The following DLGAP5 variants were observed in gnomAD, a reference collection of about 807,000 sequenced individuals.
DLGAP5 encodes the protein disks large-associated protein 5.
In DLGAP5, 90 loss-of-function variants were observed where a neutral mutation model predicts 99.6. That is an observed-to-expected ratio of 0.90 (90% CI 0.76 to 1.08). The LOEUF is 1.08. Among genes scored for constraint, DLGAP5 ranks in the 50% least tolerant of loss-of-function variants. DLGAP5 has a pLI of 0.00. For synonymous variants in DLGAP5, 311 were observed against 321.3 expected (o/e 0.97, Z 0.34); for missense variants, 1,036 against 983.5 (o/e 1.05, Z -0.71).
intron 10 of DLGAP5, among the ~76,000 whole-genome samples, chr14:55,174,676 G>GAT (rs929018455): frequency 1.2e-4 from 18 of 150,650 alleles, no homozygotes; most frequent in Admixed American, 4.7e-4. Flanking sequence ...CAGATTCCCC[G>GAT]ATATATATAT....
At chr14:55,179,257 G>A (rs1298676570) in intron 7 of DLGAP5, among the ~76,000 whole-genome samples, 1 of 152,054 alleles carries the variant, frequency 6.6e-6, no homozygotes, top group Non-Finnish European at 1.5e-5. Flanking sequence ...ACTTGCCCAG[G>A]GTTATGCAAC....
rs1173452488 is a variant in DLGAP5, at chr14:55,158,584, A to G, written c.1811T>C (p.Val604Ala). The change falls in exon 14 of 19, where the codon GTT becomes GCT. Residue 604 changes from valine to alanine, a missense_variant. Coordinates refer to ENST00000247191, the MANE Select transcript of DLGAP5 (RefSeq NM_014750.5). ...ETAVSVIPKE[V>A]DKIVFDAGFF... Reference sequence around the variant, plus strand: ...TCCAGCATCGAACACTATTTTATCAACTTCCTTTGGTATCACAGAAACTGC... The same window carrying G: ...TCCAGCATCGAACACTATTTTATCAGCTTCCTTTGGTATCACAGAAACTGC... 1.2e-6 allele frequency: 2 copies of G among 1,614,020 alleles called. No individual in the cohort carries two copies. Among genetic ancestry groups the G allele is most frequent in the Non-Finnish European group, 1.7e-6 (2 of 1,180,016 alleles).
At chr14:55,187,336 T>G (rs1594686379) in intron 2 of DLGAP5, among the ~76,000 whole-genome samples, 1 of 144,904 alleles carries the variant, frequency 6.9e-6, no homozygotes, top group African/African-American at 2.8e-5. Flanking sequence ...TTTTTTTTTT[T>G]GAGATGGAGT....
intron 17 of DLGAP5, among the ~76,000 whole-genome samples, chr14:55,151,490 C>A (rs1882017113): frequency 6.6e-6 from 1 of 150,534 alleles, no homozygotes; most frequent in South Asian, 2.1e-4. Context: ...CACGACTACA[C>A]TCCAGCCTGG....
At chr14:55,177,439 T>C in intron 7 of DLGAP5, 103 bp from the exon 8 acceptor site, 1 of 1,074,438 alleles carries the variant, frequency 9.3e-7, no homozygotes, top group Non-Finnish European at 1.3e-6. Flanking sequence ...ATATATGTTC[T>C]ATGTACATAA....
At chr14:55,164,949 T>C (rs1254732880) in intron 12 of DLGAP5, among the ~76,000 whole-genome samples, 2 of 149,964 alleles carry the variant, frequency 1.3e-5, no homozygotes, top group East Asian at 3.9e-4. Flanking sequence ...AGAAATTTGA[T>C]AAATTTAACT....
chr14:55,178,366 C>A (rs72718822), intron 7 of DLGAP5, among the ~76,000 whole-genome samples: 1,805 of 152,220 alleles, frequency 0.012, 14 homozygotes, highest in Middle Eastern at 0.027. Flanking sequence ...TTATAAATAA[C>A]CTTAACACAA....
At chr14:55,150,120 G>C (rs541256373) in intron 18 of DLGAP5, among the ~76,000 whole-genome samples, 6 of 151,782 alleles carry the variant, frequency 4.0e-5, no homozygotes, top group African/African-American at 1.5e-4. Context: ...GCAGGAAAGA[G>C]AGCACTATTT....
At chr14:55,162,594 T>C (rs143382191) in intron 13 of DLGAP5, among the ~76,000 whole-genome samples, 1 of 147,262 alleles carries the variant, frequency 6.8e-6, no homozygotes, top group Non-Finnish European at 1.5e-5. Flanking sequence ...ACTGCAGCCT[T>C]GGTGATAGAG....
rs1383772602 is a variant in DLGAP5, at chr14:55,166,868, T to C, written c.1548+2531A>G. On this transcript the variant is annotated intron_variant, in intron 12 of 18. Transcript: ENST00000247191. ...ATATGTAAATTATACCTCATATAGC[T>C]CTTTTGTGTTTAAAAAAAAAAAAAA... is the stretch of plus-strand genomic sequence containing the variant. 6.7e-5 allele frequency among the ~76,000 whole-genome samples: 10 copies of C among 149,610 alleles called. No individual in the cohort carries two copies. In the South Asian group the frequency reaches 2.1e-3, roughly 31 times the overall value.
At chr14:55,165,788 A>G (rs1373275993) in intron 12 of DLGAP5, among the ~76,000 whole-genome samples, 1 of 152,258 alleles carries the variant, frequency 6.6e-6, no homozygotes, top group Non-Finnish European at 1.5e-5. Context: ...GTAATAAGTT[A>G]TATGAATGTG....
chr14:55,151,646 G>A, intron 17 of DLGAP5, 49 bp downstream of exon 17: 1 of 1,564,000 alleles, frequency 6.4e-7, no homozygotes, highest in South Asian at 1.2e-5. Context: ...CTTAATCCAA[G>A]TTCATTTCTT....
chr14:55,172,155 C>T (rs1017587560), intron 10 of DLGAP5, among the ~76,000 whole-genome samples: 2 of 149,790 alleles, frequency 1.3e-5, no homozygotes, highest in Non-Finnish European at 2.9e-5. Flanking sequence ...TGGGAGCCAC[C>T]GAACCCGGCA....
intron 13 of DLGAP5, among the ~76,000 whole-genome samples, chr14:55,161,922 T>TA (rs1434314499): frequency 6.8e-6 from 1 of 146,360 alleles, no homozygotes; most frequent in Non-Finnish European, 1.5e-5. Flanking sequence ...AAATAAGGTT[T>TA]AAAAAACAAT....
At chr14:55,189,255 C>G (rs1285552199) in intron 1 of DLGAP5, 75 bp from the exon 2 acceptor site, 1 of 1,149,870 alleles carries the variant, frequency 8.7e-7, no homozygotes, top group South Asian at 1.4e-5. Context: ...AGTTCATTTC[C>G]TGTCCCACTT....
chr14:55,153,680 T>C (rs942378098), intron 15 of DLGAP5, among the ~76,000 whole-genome samples: 2 of 152,218 alleles, frequency 1.3e-5, no homozygotes, highest in East Asian at 1.9e-4. Context: ...GAGGATGTTT[T>C]GGGGAATCCA....
intron 10 of DLGAP5, among the ~76,000 whole-genome samples, chr14:55,174,843 A>C (rs1883001011): frequency 6.6e-6 from 1 of 152,050 alleles, no homozygotes; most frequent in Non-Finnish European, 1.5e-5. Flanking sequence ...GGCGTGCACC[A>C]CCACGCCCGG....
intron 12 of DLGAP5, among the ~76,000 whole-genome samples, chr14:55,166,691 T>C (rs1882653682): frequency 6.6e-6 from 1 of 151,406 alleles, no homozygotes; most frequent in African/African-American, 2.4e-5. Context: ...ATTGTGCCAT[T>C]GCACTCCAGT....
chr14:55,187,839 CT>C (rs1305102060), intron 2 of DLGAP5, among the ~76,000 whole-genome samples: 1 of 152,154 alleles, frequency 6.6e-6, no homozygotes. Context: ...CATTAATGGC[CT>C]CTCATTTCAG....
Sources: allele counts gnomAD v4.1 joint callset (sites outside exome capture counted in the v4.1 genomes callset), GRCh38; gene constraint gnomAD v4.1.1; transcripts MANE v1.5; gene names NCBI Gene and HGNC (gene_info 2026-07-23, HGNC 2026-07-21).